TLL2: variants seen among roughly 807,000 people sequenced by gnomAD.
TLL2 encodes tolloid-like protein 2.
A neutral mutation model predicts 123.0 loss-of-function variants in TLL2; 106 were observed. The ratio of observed to expected loss-of-function variants is 0.86; its 90% CI spans 0.74 to 1.01. The LOEUF (loss-of-function observed/expected upper bound fraction) is 1.01. Ranked by LOEUF, TLL2 falls within the 50% of genes least tolerant of loss-of-function variation. TLL2 has a pLI of 0.00. For synonymous variants in TLL2, 494 were observed against 516.8 expected (o/e 0.96, Z 0.60); for missense variants, 1,332 against 1,336.7 (o/e 1.00, Z 0.06).
At chr10:96,411,852 C>T (rs985736632) in intron 8 of TLL2, among the ~76,000 whole-genome samples, 1 of 152,140 alleles carries the variant, frequency 6.6e-6, no homozygotes, top group Non-Finnish European at 1.5e-5. Flanking sequence ...CTCAGGAAAT[C>T]CTGGATGTCG....
At position 96,491,764 on chromosome 10, in the gene TLL2, G is replaced by A. The variant is rs974053117; in HGVS notation, c.176-11305C>T. ...GGGGTAGGGGAGAGCCTTGGTTTGT[G>A]GTGTTTGCTGATTTCCCTGTGTAAA... On this transcript the variant is annotated intron_variant, in intron 1 of 20. Coordinates refer to ENST00000357947, the MANE Select transcript of TLL2 (RefSeq NM_012465.4). Among the ~76,000 whole-genome samples, 9 of 152,112 alleles carry A rather than the reference G, an allele frequency of 5.9e-5. No homozygotes were observed. In the East Asian group the frequency reaches 1.7e-3, roughly 29 times the overall value.
intron 3 of TLL2, among the ~76,000 whole-genome samples, chr10:96,434,321 A>G (rs1846772658): frequency 6.6e-6 from 1 of 152,198 alleles, no homozygotes; most frequent in African/African-American, 2.4e-5. Context: ...TTCCAAAGAG[A>G]AACTTTGTAC....
chr10:96,413,167 G>A (rs1846523122), intron 8 of TLL2, 25 bp downstream of exon 8: 3 of 1,612,682 alleles, frequency 1.9e-6, no homozygotes, highest in Admixed American at 1.7e-5. Flanking sequence ...GGGAGGTGCT[G>A]GCAGTCCCCA....
intron 10 of TLL2, among the ~76,000 whole-genome samples, 192 bp from the exon 11 acceptor site, chr10:96,397,494 T>G (rs1483815770): frequency 6.6e-6 from 1 of 152,168 alleles, no homozygotes; most frequent in Non-Finnish European, 1.5e-5. Flanking sequence ...ATGTGTGACT[T>G]AATTCTTTTT....
At chr10:96,453,594 C>T (rs1846982531) in intron 2 of TLL2, among the ~76,000 whole-genome samples, 1 of 152,064 alleles carries the variant, frequency 6.6e-6, no homozygotes, top group African/African-American at 2.4e-5. Flanking sequence ...GCAACTACAT[C>T]CCCAACAGGG....
At chr10:96,508,883 C>T (rs1011647363) in intron 1 of TLL2, among the ~76,000 whole-genome samples, 5 of 152,074 alleles carry the variant, frequency 3.3e-5, no homozygotes, top group African/African-American at 1.2e-4. Flanking sequence ...ATTGACATGC[C>T]TCCCACTGGA....
rs1846009315 is a variant in TLL2 at position 96,364,933 on chromosome 10, C to T, written c.*3155G>A. On this transcript the variant is annotated 3_prime_UTR_variant, in exon 21 of 21. Coordinates refer to ENST00000357947, the MANE Select transcript of TLL2 (RefSeq NM_012465.4). ...AAGGGACCCAATCAATAGAAAATCT[C>T]AATGTGAATTTGCTAGTTAGCAGGA... The T allele has an allele frequency of 6.6e-6, 1 of 152,144 alleles. No individual in the cohort carries two copies. The allele number at this position is 152,144 out of a possible 1,614,324, so 9.4% of individuals were successfully genotyped here.
chr10:96,432,908 G>T lies in TLL2; in HGVS notation c.419C>A (p.Ala140Asp). Residue 140 changes from alanine to aspartate, a missense_variant, in exon 4 of 21, where the codon GCC (alanine) becomes GAC (aspartate). By Grantham distance (126) the Ala-to-Asp change is moderately radical (BLOSUM62 -2). Transcript: ENST00000357947. ...TCGGACCCGGGGAGAGAAGGTCTTG[G>T]CTGCGGCATGCAAGGTCCCAGGGCT... ...LHSPGTLHAAAKTFSPRVRRA... is the reference protein window; with the variant it reads ...LHSPGTLHAADKTFSPRVRRA... 1 of 1,614,096 alleles carries T rather than the reference G, an allele frequency of 6.2e-7. No homozygotes were observed. The highest frequency in any genetic ancestry group is 8.5e-7 in the Non-Finnish European group (1 of 1,180,020).
chr10:96,460,419 A>C (rs189311618), intron 2 of TLL2, among the ~76,000 whole-genome samples: 1 of 152,310 alleles, frequency 6.6e-6, no homozygotes, highest in East Asian at 1.9e-4. Context: ...ATCAGTCCTC[A>C]TGAATGGGCT....
chr10:96,415,757 C>G (rs868328943), intron 7 of TLL2, among the ~76,000 whole-genome samples: 71 of 102,318 alleles, frequency 6.9e-4, no homozygotes, highest in Middle Eastern at 4.7e-3. Context: ...CTCTCTCTCT[C>G]TCTCTCTCTG....
chr10:96,394,218 T>A (rs1846316411), intron 13 of TLL2, among the ~76,000 whole-genome samples: 1 of 151,654 alleles, frequency 6.6e-6, no homozygotes, highest in Admixed American at 6.6e-5. Context: ...AAGCACAAGT[T>A]GTAGGGGGGC....
chr10:96,409,279 T>C (rs996272475), intron 9 of TLL2, among the ~76,000 whole-genome samples: 1 of 152,202 alleles, frequency 6.6e-6, no homozygotes. Context: ...ATCTCCAACC[T>C]TAATGAGCTT....
In TLL2 at chr10:96,415,729, G is replaced by GTCTCTTTCTCTC. The variant is rs1846549900; in HGVS notation, c.924-2414_924-2413insGAGAGAAAGAGA. Among the ~76,000 whole-genome samples, 12 of 8,578 alleles carry GTCTCTTTCTCTC rather than the reference G, an allele frequency of 1.4e-3. 3 individuals are homozygous for GTCTCTTTCTCTC. The highest frequency in any genetic ancestry group is 5.6e-3 in the African/African-American group (11 of 1,960). The allele number at this position is 8,578 out of a possible 152,430, so 5.6% of individuals were successfully genotyped here. On this transcript the variant is annotated intron_variant, in intron 7 of 20. Transcript: ENST00000357947. ...TTAGCTGTGCATGCTCTCTCTCTCT[G>GTCTCTTTCTCTC]TCTCTCTCTGTCTCTCTCTCTCTCT... is the stretch of plus-strand genomic sequence containing the variant.
Position 96,420,993 on chromosome 10 carries a change from CAA to C in TLL2, c.884_885del (p.Phe295Ter), listed in dbSNP as rs1262273741. On this transcript the variant is annotated frameshift_variant, in exon 7 of 21. Transcript: ENST00000357947. LOFTEE classifies it high-confidence loss of function. ...TTCCGGGCGTAGTGCATGATGCTGT[CAA>C]AGTCGTATGTCTCTCCCAGAGAGCT... is the stretch of plus-strand genomic sequence containing the variant. ...EVSSLGETYD[F>X]DSIMHYARNT... 1 of 1,614,112 alleles carries C rather than the reference CAA, an allele frequency of 6.2e-7. No homozygotes were observed. Among genetic ancestry groups the C allele is most frequent in the Non-Finnish European group, 8.5e-7 (1 of 1,179,998 alleles).
rs1846020476 is a variant in TLL2, at chr10:96,365,854, T to C, written c.*2234A>G. On this transcript the variant is annotated 3_prime_UTR_variant, in exon 21 of 21. Coordinates refer to ENST00000357947, the MANE Select transcript of TLL2 (RefSeq NM_012465.4). ...AAGGTTTTTCATAAGAGTCCCATTG[T>C]TGCAAATTGGCCATATGGTGACAAT... 6.6e-6 allele frequency: 1 copy of C among 152,246 alleles called. No homozygotes were observed. The highest frequency in any genetic ancestry group is 1.5e-5 in the Non-Finnish European group (1 of 68,046). 9.4% of individuals were successfully genotyped at this position (152,246 alleles called of 1,614,324 possible). A position where few individuals can be genotyped will look rare whatever the true frequency, so the allele number is the denominator to read the frequency against.
At chr10:96,500,128 A>G (rs12768923) in intron 1 of TLL2, among the ~76,000 whole-genome samples, 1 of 125,272 alleles carries the variant, frequency 8.0e-6, no homozygotes, top group Non-Finnish European at 1.6e-5. Context: ...AAAGAAAAAG[A>G]AAAAAAAATC....
intron 7 of TLL2, among the ~76,000 whole-genome samples, chr10:96,418,803 AT>A (rs1434104791): frequency 6.7e-6 from 1 of 148,266 alleles, no homozygotes; most frequent in African/African-American, 2.4e-5. Flanking sequence ...ATTTGAATAT[AT>A]AAATTATATG....
chr10:96,417,623 C>T (rs1846576245), intron 7 of TLL2, among the ~76,000 whole-genome samples: 1 of 152,174 alleles, frequency 6.6e-6, no homozygotes, highest in African/African-American at 2.4e-5. Context: ...CCTTAAGAGG[C>T]TTGCAGCTTC....
chr10:96,480,384 G>A lies in TLL2; in HGVS notation c.251C>T (p.Thr84Ile). 6.2e-7 allele frequency: 1 copy of A among 1,614,156 alleles called. No individual in the cohort carries two copies. The highest frequency in any genetic ancestry group is 8.5e-7 in the Non-Finnish European group (1 of 1,180,026). ...LFHIDKARDW[T>I]KQTVGATGHS... ...TCCTGTTGCCCCCACTGTCTGCTTGGTCCAGTCTCTGGCTTTGTCAATGTG... is the reference window on the plus strand; with the variant it reads ...TCCTGTTGCCCCCACTGTCTGCTTGATCCAGTCTCTGGCTTTGTCAATGTG... The change falls in exon 2 of 21, where the codon ACC (threonine) becomes ATC (isoleucine). Residue 84 changes from threonine to isoleucine, a missense_variant. Thr to Ile is a moderately conservative substitution (Grantham distance 89). Coordinates refer to ENST00000357947, the MANE Select transcript of TLL2 (RefSeq NM_012465.4).
Sources: allele counts gnomAD v4.1 joint callset (sites outside exome capture counted in the v4.1 genomes callset), GRCh38; gene constraint gnomAD v4.1.1; transcripts MANE v1.5; gene names NCBI Gene and HGNC (gene_info 2026-07-23, HGNC 2026-07-21).